MRAS: variants seen among roughly 807,000 people sequenced by gnomAD.
MRAS encodes muscle RAS oncogene homolog, also known as ras-related protein M-Ras.
Under a neutral mutation model 20.9 loss-of-function variants are expected in MRAS, and 4 were observed. The ratio of observed to expected loss-of-function variants is 0.19; its 90% confidence interval spans 0.09 to 0.44. The LOEUF (loss-of-function observed/expected upper bound fraction) is 0.44. MRAS is among the 20% of genes least tolerant of loss of function. The probability of loss-of-function intolerance (pLI) is 0.99; values close to 1 mark genes in which losing one functional copy is unlikely to be tolerated. For synonymous variants in MRAS, 98 were observed against 102.9 expected (o/e 0.95, Z 0.29); for missense variants, 154 against 277.5 (o/e 0.56, Z 3.16).
At chr3:138,368,901 G>T (rs893310665) in intron 1 of MRAS, among the ~76,000 whole-genome samples, 3 of 152,144 alleles carry the variant, frequency 2.0e-5, no homozygotes, top group East Asian at 3.9e-4. Context: ...AGGGTTTTGG[G>T]GGGGGCCGGA....
intron 1 of MRAS, among the ~76,000 whole-genome samples, chr3:138,363,152 TC>T (rs538110778): frequency 1.9e-3 from 291 of 152,180 alleles, no homozygotes; most frequent in African/African-American, 6.4e-3. Context: ...TTCTTCCGCC[TC>T]CCCAGTTCAA....
chr3:138,355,589 G>A (rs2054315268), intron 1 of MRAS, among the ~76,000 whole-genome samples: 1 of 152,212 alleles, frequency 6.6e-6, no homozygotes, highest in Non-Finnish European at 1.5e-5. Flanking sequence ...TTCATTAAGT[G>A]CTGAGAATGT....
chr3:138,380,503 G>A (rs374025720), intron 2 of MRAS, among the ~76,000 whole-genome samples: 763 of 41,326 alleles, frequency 0.018, 4 homozygotes, highest in African/African-American at 0.11. Flanking sequence ...AGTAGGGATG[G>A]GGTTTCCGTG....
chr3:138,394,982 G>GC (rs935013215), intron 2 of MRAS, among the ~76,000 whole-genome samples: 3 of 152,120 alleles, frequency 2.0e-5, no homozygotes, highest in African/African-American at 7.2e-5. Context: ...TTCCCCAGCA[G>GC]CCAGAATGAA....
chr3:138,354,737 A>G (rs2054295678), intron 1 of MRAS, among the ~76,000 whole-genome samples: 1 of 152,242 alleles, frequency 6.6e-6, no homozygotes, highest in Admixed American at 6.5e-5. Context: ...GAAGACAGAG[A>G]AAACATATTC....
chr3:138,397,251 G>A lies in MRAS; in HGVS notation c.194-73G>A, dbSNP rs1456561826. 5.2e-6 allele frequency: 8 copies of A among 1,553,294 alleles called. No individual in the cohort carries two copies. The South Asian group carries it at 6.0e-5, about 12-fold the overall frequency. On this transcript the variant is annotated intron_variant, in intron 2 of 5. Transcript: ENST00000423968. Reference sequence around the variant, plus strand: ...CGGTAGGGACAGCAGCAGCAGCAGTGTTGGAGTCTTGCAGGCTGTGGGGGC... The same window carrying A: ...CGGTAGGGACAGCAGCAGCAGCAGTATTGGAGTCTTGCAGGCTGTGGGGGC...
At chr3:138,353,859 C>T (rs2108492560) in intron 1 of MRAS, among the ~76,000 whole-genome samples, 1 of 152,348 alleles carries the variant, frequency 6.6e-6, no homozygotes, top group Admixed American at 6.5e-5. Flanking sequence ...AGTAGGTCAC[C>T]TGCAGTCATA....
chr3:138,397,493 A>G lies in MRAS; in HGVS notation c.347+16A>G, dbSNP rs561287637. The G allele has an allele frequency of 6.2e-7, 1 of 1,613,830 alleles. No homozygotes were observed. The highest frequency in any genetic ancestry group is 1.1e-5 in the South Asian group (1 of 91,062). On this transcript the variant is annotated intron_variant, in intron 3 of 5. Transcript: ENST00000423968. ...TCAAAGACAGGTGAGCATCAAAGAC[A>G]GGTGAGAGTACCGGGAAGAGGCCTG... is the stretch of plus-strand genomic sequence containing the variant.
At chr3:138,380,531 G>A (rs762074598) in intron 2 of MRAS, among the ~76,000 whole-genome samples, 23 of 151,850 alleles carry the variant, frequency 1.5e-4, no homozygotes, top group Non-Finnish European at 2.6e-4. Flanking sequence ...GGCTGATCTC[G>A]AACTCCTGGC....
At chr3:138,369,064 G>C (rs1298779523) in intron 1 of MRAS, among the ~76,000 whole-genome samples, 4 of 152,216 alleles carry the variant, frequency 2.6e-5, no homozygotes, top group African/African-American at 9.7e-5. Flanking sequence ...TAGTAGGAGA[G>C]AGACAGTCCC....
At chr3:138,401,478 C>T (rs1318896962) in intron 5 of MRAS, among the ~76,000 whole-genome samples, 2 of 152,188 alleles carry the variant, frequency 1.3e-5, no homozygotes, top group Non-Finnish European at 2.9e-5. Context: ...GGCAGTTTTG[C>T]ACTCTCAAAA....
chr3:138,362,850 C>A (rs1296471445), intron 1 of MRAS, among the ~76,000 whole-genome samples: 3 of 152,122 alleles, frequency 2.0e-5, no homozygotes, highest in Non-Finnish European at 4.4e-5. Context: ...CAACAGTAAT[C>A]CCTTCCCCTG....
chr3:138,350,908 A>G (rs1267373548), intron 1 of MRAS, among the ~76,000 whole-genome samples: 3 of 144,378 alleles, frequency 2.1e-5, no homozygotes, highest in Non-Finnish European at 3.0e-5. Flanking sequence ...ACGCCACTGC[A>G]CTCCAGCTTG....
chr3:138,398,745 G>A (rs1157078414), intron 4 of MRAS, among the ~76,000 whole-genome samples, 177 bp downstream of exon 4: 1 of 152,190 alleles, frequency 6.6e-6, no homozygotes, highest in African/African-American at 2.4e-5. Context: ...ATGCACATCA[G>A]TGTTTCGTCA....
Position 138,384,734 on chromosome 3 carries a change from C to A in MRAS, c.193+11658C>A, listed in dbSNP as rs75714288. ...TGAGAGATCACCAAGAATGTGACTGCGGTTAGAGAAGGACCCACCAATGTT... is the reference window on the plus strand; with the variant it reads ...TGAGAGATCACCAAGAATGTGACTGAGGTTAGAGAAGGACCCACCAATGTT... On this transcript the variant is annotated intron_variant, in intron 2 of 5. Transcript: ENST00000423968. Among the ~76,000 whole-genome samples, 3 of 151,910 alleles carry A rather than the reference C, an allele frequency of 2.0e-5. 1 individual carries two copies. The highest frequency in any genetic ancestry group is 4.4e-5 in the Non-Finnish European group (3 of 67,990).
chr3:138,398,578 T>C lies in MRAS; in HGVS notation c.447+10T>C. On this transcript the variant is annotated intron_variant, in intron 4 of 5. Transcript: ENST00000423968. ...GGCGACCAAACACAATGTAGGTGTG[T>C]GCGTGTGTGTAGAGGGGGTCAGGAG... 1.2e-6 allele frequency: 2 copies of C among 1,613,074 alleles called. No homozygotes were observed. Among genetic ancestry groups the C allele is most frequent in the Non-Finnish European group, 1.7e-6 (2 of 1,179,126 alleles).
At chr3:138,381,455 TTGGGCCTTTAAGG>T (rs2054901108) in intron 2 of MRAS, among the ~76,000 whole-genome samples, 1 of 152,256 alleles carries the variant, frequency 6.6e-6, no homozygotes, top group South Asian at 2.1e-4. Context: ...GGCCCAGGCC[TTGGGCCTTTAAGG>T]TGGGATGCTG....
chr3:138,398,469 G>A lies in MRAS; in HGVS notation c.348G>A (p.Arg116=), dbSNP rs780977038. The change falls in exon 4 of 6, where the codon AGG becomes AGA. Residue 116 remains arginine (R), a splice_region_variant and synonymous_variant. Transcript: ENST00000423968. ...GAGCTGCTGTTCCTTTATTTCCCAG[G>A]GAGTCATTCCCGATGATCCTCGTGG... is the stretch of plus-strand genomic sequence containing the variant. ...FHQLILRVKD[R]ESFPMILVAN... 6.2e-7 allele frequency: 1 copy of A among 1,613,838 alleles called. No individual in the cohort carries two copies. The highest frequency in any genetic ancestry group is 1.1e-5 in the South Asian group (1 of 91,070).
In MRAS at chr3:138,402,630, A is replaced by T; in HGVS notation, c.*361A>T. On this transcript the variant is annotated 3_prime_UTR_variant, in exon 6 of 6. Transcript: ENST00000423968. ...AGTGTTTATCCACATACAAAGTACA[A>T]AACAAGCCATGAACAAGCTTCTTTC... The T allele has an allele frequency of 4.9e-6, 1 of 202,426 alleles. No individual in the cohort carries two copies. Among genetic ancestry groups the T allele is most frequent in the Non-Finnish European group, 9.9e-6 (1 of 100,572 alleles). 12.5% of individuals were successfully genotyped at this position (202,426 alleles called of 1,614,324 possible).
Sources: gnomAD v4.1 joint callset for allele counts (sites outside exome capture counted in the v4.1 genomes callset) on GRCh38, gnomAD v4.1.1 for gene constraint, MANE v1.5 for transcripts, NCBI Gene and HGNC (gene_info 2026-07-23, HGNC 2026-07-21) for gene names.